The following RAP1GDS1 variants were observed in gnomAD, a reference collection of about 807,000 sequenced individuals.
RAP1GDS1 encodes Rap1 GTPase-GDP dissociation stimulator 1.
A neutral mutation model predicts 71.1 loss-of-function variants in RAP1GDS1; 35 were observed. The observed-to-expected ratio is 0.49, with a 90% CI of 0.38 to 0.65. The LOEUF (loss-of-function observed/expected upper bound fraction) is 0.65, where lower values mean the gene tolerates loss of function less well. Ranked by LOEUF, RAP1GDS1 falls within the 30% of genes least tolerant of loss-of-function variation. RAP1GDS1 has a pLI of 0.00. For missense variants in RAP1GDS1, 663 were observed against 706.1 expected, an observed-to-expected ratio of 0.94 and a Z score of 0.69; for synonymous variants, 229 against 243.1, an observed-to-expected ratio of 0.94 and a Z score of 0.54.
At chr4:98,406,457 T>G (rs1220927097) in intron 7 of RAP1GDS1, among the ~76,000 whole-genome samples, 1 of 151,936 alleles carries the variant, frequency 6.6e-6, no homozygotes, top group East Asian at 1.9e-4. Context: ...AGGGTGACTT[T>G]AGTAATAAAA....
chr4:98,371,352 A>G (rs2110467421), intron 4 of RAP1GDS1, among the ~76,000 whole-genome samples: 1 of 151,844 alleles, frequency 6.6e-6, no homozygotes, highest in African/African-American at 2.4e-5. Flanking sequence ...TCCTGACTTC[A>G]AATGATCCAC....
intron 3 of RAP1GDS1, among the ~76,000 whole-genome samples, chr4:98,349,554 G>A (rs1403038345): frequency 6.6e-6 from 1 of 152,132 alleles, no homozygotes; most frequent in East Asian, 1.9e-4. Flanking sequence ...AAATTACTTT[G>A]GGCAGTATGG....
chr4:98,406,364 G>A (rs2110158525), intron 7 of RAP1GDS1, among the ~76,000 whole-genome samples: 2 of 151,996 alleles, frequency 1.3e-5, no homozygotes, highest in Admixed American at 1.3e-4. Flanking sequence ...AAATATACCA[G>A]TGAAACCTAA....
Position 98,337,415 on chromosome 4 carries a change from A to G in RAP1GDS1, c.113-5724A>G, listed in dbSNP as rs543060906. 1.2e-4 allele frequency among the ~76,000 whole-genome samples: 19 copies of G among 152,330 alleles called. No homozygotes were observed. In the South Asian group the frequency reaches 3.7e-3, roughly 30 times the overall value. On this transcript the variant is annotated intron_variant, in intron 2 of 14. Coordinates refer to ENST00000408927, the MANE Select transcript of RAP1GDS1 (RefSeq NM_001100427.2). ...TATAGTCATCAACATATAACTTCTA[A>G]ATGACAGTTGTAGTAGGAAGAGCTT...
At chr4:98,383,517 ATCTC>A (rs894013951) in intron 5 of RAP1GDS1, among the ~76,000 whole-genome samples, 1 of 151,434 alleles carries the variant, frequency 6.6e-6, no homozygotes, top group Non-Finnish European at 1.5e-5. Context: ...AGTTCCTGAA[ATCTC>A]TCTGAGATAC....
intron 12 of RAP1GDS1, among the ~76,000 whole-genome samples, chr4:98,432,944 T>C (rs75802763): frequency 0.063 from 9,508 of 151,148 alleles, 412 homozygotes; most frequent in Non-Finnish European, 0.092. Flanking sequence ...ATGTTTTCTG[T>C]GTAATAACTT....
chr4:98,326,769 A>G (rs562688188), intron 2 of RAP1GDS1, among the ~76,000 whole-genome samples: 2 of 152,304 alleles, frequency 1.3e-5, no homozygotes, highest in East Asian at 1.9e-4. Flanking sequence ...ATTCATTATT[A>G]ATCCTACAGA....
At chr4:98,392,953 G>A (rs1743943872) in intron 6 of RAP1GDS1, among the ~76,000 whole-genome samples, 1 of 152,060 alleles carries the variant, frequency 6.6e-6, no homozygotes, top group African/African-American at 2.4e-5. Flanking sequence ...GGAGGATGAT[G>A]GCCTCAGCAC....
At chr4:98,352,387 T>G in intron 3 of RAP1GDS1, 89 bp from the exon 4 acceptor site, 1 of 1,415,520 alleles carries the variant, frequency 7.1e-7, no homozygotes, top group Non-Finnish European at 9.7e-7. Flanking sequence ...TACCACATAT[T>G]AAAAGTAGGT....
In RAP1GDS1 at chr4:98,323,880, T is replaced by C. The variant is rs1410510857; in HGVS notation, c.113-19259T>C. On this transcript the variant is annotated intron_variant, in intron 2 of 14. Coordinates refer to ENST00000408927, the MANE Select transcript of RAP1GDS1 (RefSeq NM_001100427.2). ...ACTGGCACAAGACAGGGATGCCCTC[T>C]CTCACCACTCCTATTCAACATAGTG... 2.7e-3 allele frequency among the ~76,000 whole-genome samples: 394 copies of C among 143,848 alleles called. 3 individuals carry two copies. Among genetic ancestry groups the C allele is most frequent in the South Asian group, 5.1e-3 (22 of 4,336 alleles). 94.4% of individuals were successfully genotyped at this position (143,848 alleles called of 152,430 possible).
At chr4:98,311,070 T>C (rs1486234193) in intron 2 of RAP1GDS1, among the ~76,000 whole-genome samples, 3 of 152,168 alleles carry the variant, frequency 2.0e-5, no homozygotes, top group Non-Finnish European at 4.4e-5. Context: ...GCTCAGGAAT[T>C]TGCATTTCTA....
chr4:98,440,279 G>A (rs965699520), intron 14 of RAP1GDS1, among the ~76,000 whole-genome samples: 5 of 152,040 alleles, frequency 3.3e-5, no homozygotes, highest in African/African-American at 9.7e-5. Context: ...TGTGAATAAT[G>A]CTGCTGTGAA....
At chr4:98,437,665 C>T (rs1459064232) in intron 14 of RAP1GDS1, among the ~76,000 whole-genome samples, 3 of 151,820 alleles carry the variant, frequency 2.0e-5, no homozygotes, top group Non-Finnish European at 4.4e-5. Flanking sequence ...TGGTGGCACA[C>T]GCCTGTAGTC....
chr4:98,286,212 C>T (rs1349011297), intron 1 of RAP1GDS1, among the ~76,000 whole-genome samples: 1 of 151,398 alleles, frequency 6.6e-6, no homozygotes, highest in African/African-American at 2.4e-5. Flanking sequence ...TTGCAGTGAG[C>T]CATTATTGTG....
intron 2 of RAP1GDS1, among the ~76,000 whole-genome samples, chr4:98,321,820 A>G (rs1731967183): frequency 7.6e-6 from 1 of 132,368 alleles, no homozygotes; most frequent in Non-Finnish European, 1.6e-5. Flanking sequence ...AAATCATGCC[A>G]AAATGTAAAG....
chr4:98,370,730 C>G (rs1250213417), intron 4 of RAP1GDS1, among the ~76,000 whole-genome samples: 1 of 152,080 alleles, frequency 6.6e-6, no homozygotes, highest in African/African-American at 2.4e-5. Context: ...GCCAACACAC[C>G]TGGCTAATTT....
At chr4:98,315,283 G>T (rs908176367) in intron 2 of RAP1GDS1, among the ~76,000 whole-genome samples, 4 of 152,054 alleles carry the variant, frequency 2.6e-5, no homozygotes, top group African/African-American at 9.7e-5. Context: ...AGCTCTCTGA[G>T]GATATGATTT....
intron 7 of RAP1GDS1, among the ~76,000 whole-genome samples, chr4:98,414,807 A>G (rs972420073): frequency 6.6e-6 from 1 of 152,076 alleles, no homozygotes; most frequent in Non-Finnish European, 1.5e-5. Flanking sequence ...TACCTTGGGT[A>G]GTATGGCCAT....
chr4:98,282,238 C>T (rs1049568856), intron 1 of RAP1GDS1, among the ~76,000 whole-genome samples: 5 of 152,256 alleles, frequency 3.3e-5, no homozygotes, highest in African/African-American at 1.2e-4. Flanking sequence ...CCGTCTGTCC[C>T]TGGACTTTTT....
Sources: gnomAD v4.1 joint callset for allele counts (sites outside exome capture counted in the v4.1 genomes callset) on GRCh38, gnomAD v4.1.1 for gene constraint, MANE v1.5 for transcripts, NCBI Gene and HGNC (gene_info 2026-07-23, HGNC 2026-07-21) for gene names.